The following NXPH1 variants were observed in gnomAD, a reference collection of about 807,000 sequenced individuals.
NXPH1 encodes neurexophilin-1.
Under a neutral mutation model 23.7 loss-of-function variants are expected in NXPH1, and 5 were observed. The observed-to-expected ratio is 0.21, with a 90% CI of 0.11 to 0.44. NXPH1 has a LOEUF of 0.44. Ranked by LOEUF, NXPH1 falls within the 20% of genes least tolerant of loss-of-function variation. The probability of loss-of-function intolerance (pLI) is 0.99; values close to 1 mark genes in which losing one functional copy is unlikely to be tolerated. For missense variants in NXPH1, 324 were observed against 321.6 expected (o/e 1.01, Z -0.06); for synonymous variants, 144 against 122.2 (o/e 1.18, Z -1.18).
intron 2 of NXPH1, among the ~76,000 whole-genome samples, chr7:8,469,014 A>AT (rs1374466639): frequency 6.6e-6 from 1 of 152,022 alleles, no homozygotes; most frequent in Admixed American, 6.6e-5. Context: ...CTGAATGCTC[A>AT]TGTTGAAATT....
chr7:8,751,802 G>A lies in NXPH1; in HGVS notation c.*33G>A. 5 of 1,568,276 alleles carry A rather than the reference G, an allele frequency of 3.2e-6. No individual in the cohort carries two copies. The highest frequency in any genetic ancestry group is 4.3e-6 in the Non-Finnish European group (5 of 1,159,680). On this transcript the variant is annotated 3_prime_UTR_variant, in exon 3 of 3. Transcript: ENST00000405863. This position sits in a 1 kb window ranked among gnomAD's most constrained non-coding sequence, Gnocchi z 4.5. ...CATGGGGGTGAGACTGAAGCCTGAG[G>A]AATTAAAGGTCATATGACAGGGCTG...
chr7:8,483,798 C>T (rs867680999), intron 2 of NXPH1, among the ~76,000 whole-genome samples: 5 of 152,070 alleles, frequency 3.3e-5, no homozygotes, highest in South Asian at 2.1e-4. Flanking sequence ...CAGATGTTCT[C>T]CAAGGTCCAT....
At chr7:8,473,023 A>G (rs1005899637) in intron 2 of NXPH1, among the ~76,000 whole-genome samples, 3 of 152,156 alleles carry the variant, frequency 2.0e-5, no homozygotes, top group Non-Finnish European at 4.4e-5. Context: ...TACCAGTGTT[A>G]TGTGCTGCTC....
At chr7:8,482,985 A>G (rs112206000) in intron 2 of NXPH1, among the ~76,000 whole-genome samples, 4,191 of 152,338 alleles carry the variant, frequency 0.028, 90 homozygotes, top group Middle Eastern at 0.044. Flanking sequence ...TTTGTTGTCA[A>G]TATACGGAAA....
At chr7:8,695,399 T>C (rs1821292274) in intron 2 of NXPH1, among the ~76,000 whole-genome samples, 1 of 152,002 alleles carries the variant, frequency 6.6e-6, no homozygotes, top group Non-Finnish European at 1.5e-5. Context: ...TGTTACAGAA[T>C]GTAGTTTGTT....
chr7:8,589,212 G>T (rs904885437), intron 2 of NXPH1, among the ~76,000 whole-genome samples: 1 of 152,108 alleles, frequency 6.6e-6, no homozygotes, highest in Non-Finnish European at 1.5e-5. Context: ...TAATCTTAAA[G>T]TATAAGATGA....
chr7:8,546,236 T>C (rs1431205647), intron 2 of NXPH1, among the ~76,000 whole-genome samples: 1 of 151,354 alleles, frequency 6.6e-6, no homozygotes, highest in African/African-American at 2.4e-5. Context: ...CTTCACAAAA[T>C]TGAGTACATG....
chr7:8,698,165 C>G (rs1486229985), intron 2 of NXPH1, among the ~76,000 whole-genome samples: 1 of 152,164 alleles, frequency 6.6e-6, no homozygotes, highest in East Asian at 1.9e-4. Context: ...CAATGTATGG[C>G]TGAGTTCTGT....
intron 2 of NXPH1, among the ~76,000 whole-genome samples, chr7:8,611,295 C>G (rs561291106): frequency 9.2e-5 from 14 of 152,272 alleles, no homozygotes; most frequent in African/African-American, 3.4e-4. Flanking sequence ...TCTCAATCGG[C>G]TGGCCCTAGG....
At chr7:8,737,261 G>T (rs1780277242) in intron 2 of NXPH1, among the ~76,000 whole-genome samples, 1 of 152,252 alleles carries the variant, frequency 6.6e-6, no homozygotes, top group South Asian at 2.1e-4. Context: ...TTTTGCAATG[G>T]CTGGTACTGG....
intron 2 of NXPH1, among the ~76,000 whole-genome samples, chr7:8,538,377 A>AT (rs1818062046): frequency 6.6e-6 from 1 of 151,900 alleles, no homozygotes; most frequent in South Asian, 2.1e-4. Context: ...ATACAGTGAA[A>AT]TAGTTATGAA....
At chr7:8,476,269 T>C (rs1162292590) in intron 2 of NXPH1, among the ~76,000 whole-genome samples, 1 of 152,156 alleles carries the variant, frequency 6.6e-6, no homozygotes, top group Non-Finnish European at 1.5e-5. Context: ...AGTGTGGATA[T>C]TCACAGTAGA....
At chr7:8,536,888 A>G (rs73233675) in intron 2 of NXPH1, among the ~76,000 whole-genome samples, 12,255 of 151,904 alleles carry the variant, frequency 0.081, 1,279 homozygotes, top group African/African-American at 0.23. Flanking sequence ...TGGTATGAGT[A>G]TCCAGATAAA....
intron 2 of NXPH1, among the ~76,000 whole-genome samples, chr7:8,689,244 C>T (rs1239807090): frequency 6.6e-6 from 1 of 151,882 alleles, no homozygotes. Flanking sequence ...AAAGTAGCTT[C>T]ACTGAGCCTA....
chr7:8,607,990 A>G (rs56977139), intron 2 of NXPH1, among the ~76,000 whole-genome samples: 3,614 of 152,322 alleles, frequency 0.024, 135 homozygotes, highest in African/African-American at 0.077. Flanking sequence ...AAGCCAAGGA[A>G]TGCCAAGGAT....
chr7:8,528,629 A>C (rs1297907456), intron 2 of NXPH1, among the ~76,000 whole-genome samples: 1 of 152,184 alleles, frequency 6.6e-6, no homozygotes, highest in Admixed American at 6.5e-5. Flanking sequence ...TCTTCTTTGA[A>C]GGAACAGCTT....
At chr7:8,596,616 T>A (rs1270306080) in intron 2 of NXPH1, among the ~76,000 whole-genome samples, 1 of 152,162 alleles carries the variant, frequency 6.6e-6, no homozygotes, top group Non-Finnish European at 1.5e-5. Context: ...AAACATTTAC[T>A]ATGCTAAAGC....
At chr7:8,642,137 T>G (rs1454348560) in intron 2 of NXPH1, among the ~76,000 whole-genome samples, 5 of 152,218 alleles carry the variant, frequency 3.3e-5, no homozygotes, top group African/African-American at 1.2e-4. Flanking sequence ...ACCACCCAAT[T>G]AGCTTCCTTA....
chr7:8,551,065 A>G (rs1431769813), intron 2 of NXPH1, among the ~76,000 whole-genome samples: 1 of 151,536 alleles, frequency 6.6e-6, no homozygotes, highest in East Asian at 2.0e-4. Context: ...AAATTGTCTT[A>G]CTGAAATATC....
Sources: allele counts gnomAD v4.1 joint callset (sites outside exome capture counted in the v4.1 genomes callset), GRCh38; gene constraint gnomAD v4.1.1; non-coding constraint Gnocchi (gnomAD v3.1); transcripts MANE v1.5; gene names NCBI Gene and HGNC (gene_info 2026-07-23, HGNC 2026-07-21).